The following SHANK2 variants were observed in gnomAD, a reference collection of about 807,000 sequenced individuals.
SHANK2 encodes the protein SH3 and multiple ankyrin repeat domains 2.
In SHANK2, 43 loss-of-function variants were observed where a neutral mutation model predicts 133.7. The observed-to-expected ratio is 0.32, with a 90% confidence interval of 0.25 to 0.41. The LOEUF (loss-of-function observed/expected upper bound fraction) is 0.41, where lower values mean the gene tolerates loss of function less well. SHANK2 is among the 10% of genes least tolerant of loss of function. SHANK2 has a pLI of 1.00. For synonymous variants in SHANK2, 1,017 were observed against 952.8 expected (o/e 1.07, Z -1.24); for missense variants, 1,994 against 2,235.8 (o/e 0.89, Z 2.18).
At chr11:70,496,059 G>A (rs577682408) in intron 21 of SHANK2, among the ~76,000 whole-genome samples, 44 of 152,296 alleles carry the variant, frequency 2.9e-4, no homozygotes, top group Admixed American at 2.6e-3. Context: ...AGTCATCGGC[G>A]TTGAACATTG....
At chr11:70,560,393 T>C (rs1333552198) in intron 17 of SHANK2, among the ~76,000 whole-genome samples, 1 of 151,162 alleles carries the variant, frequency 6.6e-6, no homozygotes, top group Non-Finnish European at 1.5e-5. Context: ...TCTCAATAAA[T>C]GGAGAGGTTT....
chr11:70,882,302 G>A lies in SHANK2; in HGVS notation c.1174+14199C>T, dbSNP rs573471936. On this transcript the variant is annotated intron_variant, in intron 11 of 25. Transcript: ENST00000601538. The surrounding 1 kb of genome is among the most constrained non-coding windows in gnomAD (Gnocchi z 4.2). Reference sequence around the variant, plus strand: ...GGCCTGGTGAGCTCCGGGGTGGGACGGGAGAGGGGCCACTGCAGTGTGGAA... The same window carrying A: ...GGCCTGGTGAGCTCCGGGGTGGGACAGGAGAGGGGCCACTGCAGTGTGGAA... Among the ~76,000 whole-genome samples, 13 of 152,278 alleles carry A rather than the reference G, an allele frequency of 8.5e-5. No homozygotes were observed. Among genetic ancestry groups the A allele is most frequent in the African/African-American group, 2.2e-4 (9 of 41,558 alleles).
chr11:70,588,545 C>T (rs1279500922), intron 17 of SHANK2, among the ~76,000 whole-genome samples: 1 of 152,198 alleles, frequency 6.6e-6, no homozygotes, highest in Non-Finnish European at 1.5e-5. Flanking sequence ...ATCAAATTGT[C>T]CACAACATTC....
intron 14 of SHANK2, among the ~76,000 whole-genome samples, chr11:70,736,555 A>G (rs1395403953): frequency 6.6e-6 from 1 of 152,140 alleles, no homozygotes; most frequent in Non-Finnish European, 1.5e-5. Context: ...CAGCCGATGA[A>G]TGCCTGGAGC....
chr11:70,704,608 T>C (rs1171853079), intron 14 of SHANK2, among the ~76,000 whole-genome samples: 3 of 147,018 alleles, frequency 2.0e-5, no homozygotes, highest in African/African-American at 7.3e-5. Context: ...AAAGGTGATC[T>C]TGGCTTCCTT....
Position 70,569,034 on chromosome 11 carries a change from C to T in SHANK2, c.2062-66103G>A, listed in dbSNP as rs531298010. ...TGCCCATGTGCCCTTTCCCCGTTTT[C>T]AGGCATGCAGCATGCAGGCCCCACT... On this transcript the variant is annotated intron_variant, in intron 17 of 25. Coordinates refer to ENST00000601538, the MANE Select transcript of SHANK2 (RefSeq NM_012309.5). This position sits in a 1 kb window ranked among gnomAD's most constrained non-coding sequence, Gnocchi z 5.1. Among the ~76,000 whole-genome samples, 1 of 152,336 alleles carries T rather than the reference C, an allele frequency of 6.6e-6. No homozygotes were observed. Among genetic ancestry groups the T allele is most frequent in the South Asian group, 2.1e-4 (1 of 4,832 alleles).
Position 70,898,305 on chromosome 11 carries a change from CACACACAT to C in SHANK2, c.1108-1746_1108-1739del, listed in dbSNP as rs1453874822. 9.5e-4 allele frequency among the ~76,000 whole-genome samples: 143 copies of C among 149,998 alleles called. 1 individual carries two copies. The highest frequency in any genetic ancestry group is 3.5e-3 in the African/African-American group (140 of 40,348). On this transcript the variant is annotated intron_variant, in intron 10 of 25. Coordinates refer to ENST00000601538, the MANE Select transcript of SHANK2 (RefSeq NM_012309.5). ...ACGCACACACACACACACACACACA[CACACACAT>C]ATATATATGTGTATATATATATATG...
intron 14 of SHANK2, among the ~76,000 whole-genome samples, chr11:70,744,288 C>T (rs550404152): frequency 7.2e-5 from 11 of 152,222 alleles, no homozygotes; most frequent in Non-Finnish European, 1.0e-4. Context: ...GATCAGATCC[C>T]AGGGAGGTCT....
At chr11:70,778,885 TC>T (rs2135097566) in intron 14 of SHANK2, among the ~76,000 whole-genome samples, 1 of 152,238 alleles carries the variant, frequency 6.6e-6, no homozygotes, top group Non-Finnish European at 1.5e-5. Context: ...TCACTGCCCT[TC>T]TCTCCTGAAC....
Position 70,535,102 on chromosome 11 carries a change from G to A in SHANK2, c.2062-32171C>T, listed in dbSNP as rs1330686197. On this transcript the variant is annotated intron_variant, in intron 17 of 25. Coordinates refer to ENST00000601538, the MANE Select transcript of SHANK2 (RefSeq NM_012309.5). This position sits in a 1 kb window ranked among gnomAD's most constrained non-coding sequence, Gnocchi z 4.3. ...GGAGGGAAGACTGGCTTTGGGGCAGGTGAGGCAGGCACATGAAGTAGTGCT... is the reference window on the plus strand; with the variant it reads ...GGAGGGAAGACTGGCTTTGGGGCAGATGAGGCAGGCACATGAAGTAGTGCT... Among the ~76,000 whole-genome samples, 1 of 152,192 alleles carries A rather than the reference G, an allele frequency of 6.6e-6. No individual in the cohort carries two copies. The highest frequency in any genetic ancestry group is 2.4e-5 in the African/African-American group (1 of 41,452).
intron 14 of SHANK2, among the ~76,000 whole-genome samples, chr11:70,765,773 C>T (rs924200195): frequency 2.0e-5 from 3 of 152,212 alleles, no homozygotes; most frequent in Admixed American, 2.0e-4. Flanking sequence ...CCCTCCCCAG[C>T]TCAGGCTTCA....
intron 14 of SHANK2, among the ~76,000 whole-genome samples, chr11:70,770,013 G>A (rs113827458): frequency 1.3e-5 from 2 of 152,170 alleles, no homozygotes; most frequent in South Asian, 2.1e-4. Flanking sequence ...AAGGCCTTAC[G>A]TAACCTTGTG....
chr11:70,577,907 A>G (rs112703641), intron 17 of SHANK2, among the ~76,000 whole-genome samples: 4,474 of 152,298 alleles, frequency 0.029, 114 homozygotes, highest in Non-Finnish European at 0.04. Flanking sequence ...TAAGGAGATG[A>G]GGACACTGAC....
intron 2 of SHANK2, among the ~76,000 whole-genome samples, chr11:71,172,034 C>T (rs75839288): frequency 0.011 from 1,669 of 152,290 alleles, 12 homozygotes; most frequent in Non-Finnish European, 0.019. Flanking sequence ...TCCCCTTGGG[C>T]AGTCCCCCAT....
At position 70,606,839 on chromosome 11, in the gene SHANK2, G is replaced by C. The variant is rs148049014; in HGVS notation, c.2061+52989C>G. Among the ~76,000 whole-genome samples, 913 of 152,334 alleles carry C rather than the reference G, an allele frequency of 6.0e-3. 4 individuals carry two copies. The highest frequency in any genetic ancestry group is 0.02 in the African/African-American group (848 of 41,572). ...GCAGGAAGATACGGAAGGGAGGTGCGCTAGGTGATGTCTCTGAGCAACCCT... is the reference window on the plus strand; with the variant it reads ...GCAGGAAGATACGGAAGGGAGGTGCCCTAGGTGATGTCTCTGAGCAACCCT... On this transcript the variant is annotated intron_variant, in intron 17 of 25. Coordinates refer to ENST00000601538, the MANE Select transcript of SHANK2 (RefSeq NM_012309.5).
intron 3 of SHANK2, among the ~76,000 whole-genome samples, chr11:71,126,325 T>C (rs1952186344): frequency 6.6e-6 from 1 of 151,864 alleles, no homozygotes. Flanking sequence ...CAACACATGT[T>C]ACTGAATATT....
intron 14 of SHANK2, among the ~76,000 whole-genome samples, chr11:70,727,856 T>G (rs550138454): frequency 5.9e-5 from 9 of 152,328 alleles, no homozygotes; most frequent in African/African-American, 1.9e-4. Flanking sequence ...GTCCTCAGTT[T>G]CTGTGCACAA....
rs1951572894 is a variant in SHANK2 at position 71,094,520 on chromosome 11, G to A, written c.744+17C>T. 4.5e-6 allele frequency: 7 copies of A among 1,546,270 alleles called. No homozygotes were observed. The highest frequency in any genetic ancestry group is 6.1e-6 in the Non-Finnish European group (7 of 1,143,236). On this transcript the variant is annotated intron_variant, in intron 7 of 25. Transcript: ENST00000601538. ...AGAGCACGGGGTGGCACCCAAGTAA[G>A]ATGGGCCCGAGTTTACCTTCAGGGC...
intron 14 of SHANK2, among the ~76,000 whole-genome samples, chr11:70,794,549 T>G (rs192512265): frequency 6.6e-6 from 1 of 152,308 alleles, no homozygotes; most frequent in Non-Finnish European, 1.5e-5. Flanking sequence ...GAAAGGTGTT[T>G]TTAAAAATTA....
Sources: allele counts gnomAD v4.1 joint callset (sites outside exome capture counted in the v4.1 genomes callset), GRCh38; gene constraint gnomAD v4.1.1; non-coding constraint Gnocchi (gnomAD v3.1); transcripts MANE v1.5; gene names NCBI Gene and HGNC (gene_info 2026-07-23, HGNC 2026-07-21).